The following PRKN variants were observed in gnomAD, a reference collection of about 807,000 sequenced individuals.
The protein encoded by PRKN is parkin RBR E3 ubiquitin protein ligase.
PRKN carries 56 observed loss-of-function variants against 59.5 expected under a neutral mutation model. The observed-to-expected ratio is 0.94, with a 90% CI of 0.76 to 1.18. PRKN has a LOEUF of 1.18. Among genes scored for constraint, PRKN ranks in the 50% most tolerant of loss-of-function variants. The probability of loss-of-function intolerance (pLI) is 0.00; values close to 1 mark genes in which losing one functional copy is unlikely to be tolerated. For synonymous variants in PRKN, 250 were observed against 222.1 expected, an observed-to-expected ratio of 1.13 and a Z score of -1.12; for missense variants, 657 against 596.4, an observed-to-expected ratio of 1.10 and a Z score of -1.06.
intron 1 of PRKN, among the ~76,000 whole-genome samples, chr6:162,590,902 G>A (rs1321125662): frequency 1.3e-5 from 2 of 152,086 alleles, no homozygotes; most frequent in African/African-American, 4.8e-5. Flanking sequence ...TGGCCCCACA[G>A]ACTATCCTCT....
rs1786503705 is a variant in PRKN, at chr6:161,391,518, A to G, written c.1084-4641T>C. ...TTATTTCATTGGCTCTCTAAAGTCT[A>G]TTCCCTTATAGATTTGGTTAGAAGG... On this transcript the variant is annotated intron_variant, in intron 9 of 11. Transcript: ENST00000366898. The surrounding 1 kb of genome is among the most constrained non-coding windows in gnomAD (Gnocchi z 4.9). Among the ~76,000 whole-genome samples the G allele has an allele frequency of 6.6e-6, 1 of 151,692 alleles. No homozygotes were observed. The highest frequency in any genetic ancestry group is 1.5e-5 in the Non-Finnish European group (1 of 67,968).
intron 4 of PRKN, among the ~76,000 whole-genome samples, chr6:162,153,292 G>A (rs762484736): frequency 6.6e-5 from 10 of 152,212 alleles, no homozygotes; most frequent in Admixed American, 3.3e-4. Context: ...CACCCCTTGC[G>A]GGAAGGAACG....
chr6:162,025,570 C>T (rs1783398852), intron 5 of PRKN, among the ~76,000 whole-genome samples: 1 of 135,368 alleles, frequency 7.4e-6, no homozygotes, highest in Admixed American at 7.8e-5. Flanking sequence ...TCCCAGTGGC[C>T]ATATCCATGG....
intron 6 of PRKN, among the ~76,000 whole-genome samples, chr6:161,878,492 C>A (rs9456719): frequency 2.0e-5 from 3 of 152,012 alleles, no homozygotes; most frequent in Non-Finnish European, 2.9e-5. Flanking sequence ...TCGCACAGTA[C>A]GAATTATTTT....
intron 6 of PRKN, among the ~76,000 whole-genome samples, chr6:161,912,007 G>A (rs1315175624): frequency 3.3e-5 from 5 of 151,796 alleles, no homozygotes; most frequent in Admixed American, 2.6e-4. Context: ...GTGAAACACC[G>A]TCTCTACTAA....
chr6:161,637,213 C>T (rs1473097373), intron 7 of PRKN, among the ~76,000 whole-genome samples: 1 of 152,132 alleles, frequency 6.6e-6, no homozygotes, highest in Non-Finnish European at 1.5e-5. Context: ...TTCTGAGGGT[C>T]CCTTCACCTT....
chr6:161,397,334 A>G lies in PRKN; in HGVS notation c.1084-10457T>C, dbSNP rs1395526170. ...AATTGTGTACTCCATGATACAATGC[A>G]CAATCATGGGTTGAATTGAGTATTC... On this transcript the variant is annotated intron_variant, in intron 9 of 11. Coordinates refer to ENST00000366898, the MANE Select transcript of PRKN (RefSeq NM_004562.3). This position sits in a 1 kb window ranked among gnomAD's most constrained non-coding sequence, Gnocchi z 4.2. 6.6e-6 allele frequency among the ~76,000 whole-genome samples: 1 copy of G among 152,198 alleles called. No individual in the cohort carries two copies. The highest frequency in any genetic ancestry group is 1.9e-4 in the East Asian group (1 of 5,198).
chr6:161,883,396 G>A (rs1277085079), intron 6 of PRKN, among the ~76,000 whole-genome samples: 1 of 151,508 alleles, frequency 6.6e-6, no homozygotes, highest in African/African-American at 2.4e-5. Flanking sequence ...TACTCAGGAG[G>A]CAGAGGCTTG....
chr6:161,619,179 T>G (rs1308762785), intron 7 of PRKN, among the ~76,000 whole-genome samples: 1 of 149,404 alleles, frequency 6.7e-6, no homozygotes. Context: ...AGACATATGG[T>G]CACCGGCACA....
chr6:162,276,633 T>A (rs755881460), intron 2 of PRKN, among the ~76,000 whole-genome samples: 3 of 152,148 alleles, frequency 2.0e-5, no homozygotes, highest in Non-Finnish European at 4.4e-5. Context: ...GTCTGTTTAA[T>A]ATATTCACTA....
intron 1 of PRKN, among the ~76,000 whole-genome samples, chr6:162,722,754 C>A (rs1447162644): frequency 6.6e-6 from 1 of 152,114 alleles, no homozygotes; most frequent in Non-Finnish European, 1.5e-5. Flanking sequence ...AAAGTACTTT[C>A]ATTGTATCAT....
intron 1 of PRKN, among the ~76,000 whole-genome samples, chr6:162,659,399 T>A: frequency 6.6e-6 from 1 of 152,098 alleles, no homozygotes; most frequent in Non-Finnish European, 1.5e-5. Flanking sequence ...GTATACAGAT[T>A]AAGAAAGTTA....
chr6:162,416,275 T>C (rs1023818493), intron 2 of PRKN, among the ~76,000 whole-genome samples: 1 of 152,188 alleles, frequency 6.6e-6, no homozygotes, highest in African/African-American at 2.4e-5. Flanking sequence ...TTCCCACCAT[T>C]TGAATCCCCC....
chr6:162,634,258 T>G (rs1373541828), intron 1 of PRKN, among the ~76,000 whole-genome samples: 1 of 152,116 alleles, frequency 6.6e-6, no homozygotes, highest in African/African-American at 2.4e-5. Context: ...GGCCAGGTGG[T>G]AAATGTTTTT....
intron 1 of PRKN, among the ~76,000 whole-genome samples, chr6:162,667,215 C>T (rs983973472): frequency 1.2e-4 from 19 of 152,008 alleles, no homozygotes; most frequent in African/African-American, 3.6e-4. Context: ...GACAAATTTA[C>T]CTTAGCAATT....
In PRKN at chr6:161,641,391, A is replaced by G. The variant is rs188802005; in HGVS notation, c.872-71975T>C. On this transcript the variant is annotated intron_variant, in intron 7 of 11. Transcript: ENST00000366898. ...ATCAGTTGGGACCACCCAGATGGAT[A>G]AAGTGGCTCATCTGGTCAGAAAATG... Among the ~76,000 whole-genome samples, 450 of 152,320 alleles carry G rather than the reference A, an allele frequency of 3.0e-3. 4 individuals carry two copies. Among genetic ancestry groups the G allele is most frequent in the African/African-American group, 0.01 (424 of 41,568 alleles).
intron 1 of PRKN, among the ~76,000 whole-genome samples, chr6:162,681,668 T>C (rs1382093514): frequency 1.3e-5 from 2 of 152,134 alleles, no homozygotes; most frequent in East Asian, 1.9e-4. Context: ...CTCTGATTGA[T>C]TGCATAAAGC....
intron 6 of PRKN, among the ~76,000 whole-genome samples, chr6:161,819,271 C>T (rs1197419486): frequency 1.3e-5 from 2 of 152,056 alleles, no homozygotes; most frequent in Non-Finnish European, 2.9e-5. Flanking sequence ...GTGGGCAGAT[C>T]GCTAGAAGTC....
At chr6:162,070,254 A>G (rs1473102430) in intron 4 of PRKN, among the ~76,000 whole-genome samples, 7 of 152,232 alleles carry the variant, frequency 4.6e-5, no homozygotes, top group Admixed American at 1.3e-4. Flanking sequence ...ATGCATTTTC[A>G]TAAGAGTATC....
Sources: gnomAD v4.1 joint callset for allele counts (sites outside exome capture counted in the v4.1 genomes callset) on GRCh38, gnomAD v4.1.1 for gene constraint, Gnocchi (gnomAD v3.1) non-coding constraint, MANE v1.5 for transcripts, NCBI Gene and HGNC (gene_info 2026-07-23, HGNC 2026-07-21) for gene names.